Variants in DIP2C observed in about 807,000 individuals in gnomAD.
The protein encoded by DIP2C is disco-interacting protein 2 homolog C.
Under a neutral mutation model 192.4 loss-of-function variants are expected in DIP2C, and 33 were observed. The observed-to-expected ratio is 0.17, with a 90% CI of 0.13 to 0.23. The LOEUF (loss-of-function observed/expected upper bound fraction) is 0.23, where lower values mean the gene tolerates loss of function less well. DIP2C is among the 10% of genes least tolerant of loss of function. The pLI is 1.00. For synonymous variants in DIP2C, 979 were observed against 864.1 expected, an observed-to-expected ratio of 1.13 and a Z score of -2.33; for missense variants, 1,537 against 2,110.1, an observed-to-expected ratio of 0.73 and a Z score of 5.32.
intron 23 of DIP2C, among the ~76,000 whole-genome samples, chr10:357,457 C>A (rs1189097629): frequency 6.6e-6 from 1 of 152,212 alleles, no homozygotes; most frequent in African/African-American, 2.4e-5. Context: ...ACAAGGACTG[C>A]CAGACATTTG....
chr10:329,851 C>CTTAG (rs1198104682), intron 29 of DIP2C, among the ~76,000 whole-genome samples: 1 of 152,182 alleles, frequency 6.6e-6, no homozygotes, highest in Non-Finnish European at 1.5e-5. Flanking sequence ...ACATTTAAGA[C>CTTAG]TACTAAACGC....
chr10:326,879 G>A (rs1276152873), intron 31 of DIP2C, 127 bp downstream of exon 31: 2 of 1,166,960 alleles, frequency 1.7e-6, no homozygotes, highest in Admixed American at 5.6e-5. Context: ...CCGCATGCGT[G>A]TGACTGAAAG....
In DIP2C at chr10:422,066, C is replaced by A. The variant is rs145289536; in HGVS notation, c.604+758G>T. 9.9e-5 allele frequency among the ~76,000 whole-genome samples: 15 copies of A among 152,270 alleles called. No individual in the cohort carries two copies. In the East Asian group the frequency reaches 2.7e-3, roughly 27 times the overall value. Reference sequence around the variant, plus strand: ...TTTTTTCAGGGATCAGGTTTTCCTGCGGCAGCTGAGATACCGGGAGGGTCT... The same window carrying A: ...TTTTTTCAGGGATCAGGTTTTCCTGAGGCAGCTGAGATACCGGGAGGGTCT... On this transcript the variant is annotated intron_variant, in intron 5 of 36. Coordinates refer to ENST00000280886, the MANE Select transcript of DIP2C (RefSeq NM_014974.3).
chr10:419,763 ATTT>A (rs1966053425), intron 5 of DIP2C, among the ~76,000 whole-genome samples: 1 of 152,150 alleles, frequency 6.6e-6, no homozygotes. Flanking sequence ...AAGAACTATT[ATTT>A]TATTATTTCT....
At chr10:362,739 C>T (rs1296160477) in intron 21 of DIP2C, 48 bp from the exon 22 acceptor site, 2 of 1,549,748 alleles carry the variant, frequency 1.3e-6, no homozygotes, top group Non-Finnish European at 1.8e-6. Flanking sequence ...GAAGTATAAA[C>T]AGTACGTATT....
intron 14 of DIP2C, among the ~76,000 whole-genome samples, chr10:386,108 T>C (rs1267410369): frequency 1.3e-5 from 2 of 152,160 alleles, no homozygotes; most frequent in Non-Finnish European, 2.9e-5. Context: ...AGCAGGGCTG[T>C]GTGGACAACG....
chr10:285,590 T>C, intron 34 of DIP2C, among the ~76,000 whole-genome samples: 1 of 152,148 alleles, frequency 6.6e-6, no homozygotes, highest in Non-Finnish European at 1.5e-5. Flanking sequence ...CCAGAGAGAA[T>C]GCGGCGGAAG....
intron 1 of DIP2C, among the ~76,000 whole-genome samples, chr10:686,429 C>T (rs1357944702): frequency 6.6e-6 from 1 of 151,882 alleles, no homozygotes; most frequent in African/African-American, 2.4e-5. Context: ...GCACAGCCTC[C>T]GCACCCACAC....
intron 14 of DIP2C, among the ~76,000 whole-genome samples, chr10:385,289 G>A (rs761605115): frequency 6.6e-6 from 1 of 152,160 alleles, no homozygotes; most frequent in Non-Finnish European, 1.5e-5. Context: ...AATGTGACAC[G>A]GTAGGGTCTG....
intron 1 of DIP2C, among the ~76,000 whole-genome samples, chr10:545,166 C>CCTTTTTTTTTTTTTTTT (rs1554896881): frequency 8.1e-4 from 70 of 86,350 alleles, no homozygotes; most frequent in East Asian, 1.8e-3. Context: ...GGTGTTTTCC[C>CCTTTTTTTTTTTTTTTT]TTTTTTTTTT....
At chr10:393,778 CAAAAAAAAAAAAAAA>C (rs34390976) in intron 10 of DIP2C, among the ~76,000 whole-genome samples, 2 of 66,734 alleles carry the variant, frequency 3.0e-5, no homozygotes, top group African/African-American at 1.3e-4. Context: ...GACTCCGTCT[CAAAAAAAAAAAAAAA>C]AAAGAAAAAA....
chr10:548,679 G>A (rs1204987785), intron 1 of DIP2C, among the ~76,000 whole-genome samples: 1 of 151,718 alleles, frequency 6.6e-6, no homozygotes, highest in Non-Finnish European at 1.5e-5. Flanking sequence ...AGGAGACATG[G>A]CTGGAGGGAA....
At position 576,909 on chromosome 10, in the gene DIP2C, T is replaced by G. The variant is rs143360207; in HGVS notation, c.86-90379A>C. Among the ~76,000 whole-genome samples the G allele has an allele frequency of 7.1e-3, 1,071 of 151,488 alleles. 9 individuals are homozygous for G. Among genetic ancestry groups the G allele is most frequent in the South Asian group, 0.011 (54 of 4,806 alleles). ...TTCCAGCCTGGGTGACAGAGCAAGA[T>G]TCTGTCTAATAAAAAAAAAAATAAG... On this transcript the variant is annotated intron_variant, in intron 1 of 36. Transcript: ENST00000280886.
At chr10:533,319 C>A (rs1314013578) in intron 1 of DIP2C, among the ~76,000 whole-genome samples, 1 of 152,090 alleles carries the variant, frequency 6.6e-6, no homozygotes, top group African/African-American at 2.4e-5. Context: ...ATCTAGCTGC[C>A]GGATTAACTT....
chr10:521,236 A>T (rs1846687439), intron 1 of DIP2C, among the ~76,000 whole-genome samples: 1 of 152,226 alleles, frequency 6.6e-6, no homozygotes, highest in South Asian at 2.1e-4. Context: ...TGCTGCAGGC[A>T]AATCCCACCA....
At chr10:598,063 T>G (rs977270219) in intron 1 of DIP2C, among the ~76,000 whole-genome samples, 5 of 152,210 alleles carry the variant, frequency 3.3e-5, no homozygotes, top group Non-Finnish European at 5.9e-5. Context: ...CCGCTGGACC[T>G]GCAGAGTCAG....
intron 1 of DIP2C, chr10:650,227 C>T (rs1175365642): frequency 1.4e-6 from 1 of 717,114 alleles, no homozygotes; most frequent in South Asian, 1.5e-5. Flanking sequence ...GAGGGCTGTT[C>T]CCTGTTCCCT....
chr10:575,916 C>G (rs1038575922), intron 1 of DIP2C, among the ~76,000 whole-genome samples: 1 of 152,236 alleles, frequency 6.6e-6, no homozygotes, highest in African/African-American at 2.4e-5. Context: ...AACAGCTGAG[C>G]TCGCACTTTC....
intron 1 of DIP2C, among the ~76,000 whole-genome samples, chr10:489,686 A>C (rs1049521443): frequency 1.4e-5 from 2 of 142,628 alleles, no homozygotes; most frequent in Non-Finnish European, 3.0e-5. Flanking sequence ...CCTCCACTTC[A>C]CACTAGGGAC....
Sources: gnomAD v4.1 joint callset for allele counts (sites outside exome capture counted in the v4.1 genomes callset) on GRCh38, gnomAD v4.1.1 for gene constraint, MANE v1.5 for transcripts, NCBI Gene and HGNC (gene_info 2026-07-23, HGNC 2026-07-21) for gene names.